The following TRIM27 variants were observed in gnomAD, a reference collection of about 807,000 sequenced individuals.
TRIM27 encodes tripartite motif containing 27.
Under a neutral mutation model 57.6 loss-of-function variants are expected in TRIM27, and 12 were observed. The ratio of observed to expected loss-of-function variants is 0.21; its 90% CI spans 0.13 to 0.34. TRIM27 has a LOEUF of 0.34. Ranked by LOEUF, TRIM27 falls within the 10% of genes least tolerant of loss-of-function variation. The probability of loss-of-function intolerance (pLI) is 1.00; values close to 1 mark genes in which losing one functional copy is unlikely to be tolerated. For synonymous variants in TRIM27, 266 were observed against 259.0 expected (o/e 1.03, Z -0.26); for missense variants, 403 against 656.8 (o/e 0.61, Z 4.22).
chr6:28,912,412 C>T lies in TRIM27; in HGVS notation c.748-694G>A, dbSNP rs368153484. ...AGTGTGAGCCAGCGGTGGCCTCTCC[C>T]TTCTTTCATACACAAAAAGTAGCAT... On this transcript the variant is annotated intron_variant, in intron 3 of 7. Transcript: ENST00000377199. Among the ~76,000 whole-genome samples the T allele has an allele frequency of 2.6e-5, 4 of 152,046 alleles. No individual in the cohort carries two copies. The South Asian group carries it at 8.3e-4, about 32-fold the overall frequency.
Position 28,904,410 on chromosome 6 carries a change from G to A in TRIM27, c.1202C>T (p.Ala401Val). The A allele has an allele frequency of 6.2e-7, 1 of 1,613,044 alleles. No individual in the cohort carries two copies. Reference protein sequence around the residue: ...SVCRKGGVTSAPQNGFWAVSL... With the variant: ...SVCRKGGVTSVPQNGFWAVSL... ...CACTGCCCAGAATCCATTCTGGGGG[G>A]CTGAGGTTACTCCACCTTTTCTGCA... Residue 401 changes from alanine to valine, a missense_variant, in exon 8 of 8, where the codon GCC becomes GTC. Ala to Val is a moderately conservative substitution (Grantham distance 64). Coordinates refer to ENST00000377199, the MANE Select transcript of TRIM27 (RefSeq NM_006510.5). The surrounding 1 kb of genome is among the most constrained non-coding windows in gnomAD (Gnocchi z 6.1).
intron 2 of TRIM27, among the ~76,000 whole-genome samples, chr6:28,921,155 C>CTCA (rs1774000235): frequency 6.6e-6 from 1 of 151,974 alleles, no homozygotes; most frequent in Non-Finnish European, 1.5e-5. Context: ...CTGAGGTGGG[C>CTCA]GGATCACCTG....
At chr6:28,910,123 G>GAAAAAAAAAAAAAAAAAAAAA (rs9278120) in intron 4 of TRIM27, among the ~76,000 whole-genome samples, 1 of 97,620 alleles carries the variant, frequency 1.0e-5, no homozygotes. Flanking sequence ...AAAGAAAAAT[G>GAAAAAAAAAAAAAAAAAAAAA]AAAAAAAAAA....
Position 28,923,792 on chromosome 6 carries a change from G to A in TRIM27, c.-160C>T. The A allele has an allele frequency of 7.5e-6, 6 of 799,346 alleles. No homozygotes were observed. The highest frequency in any genetic ancestry group is 1.1e-5 in the Non-Finnish European group (6 of 528,678). The allele number at this position is 799,346 out of a possible 1,614,324, so 49.5% of individuals were successfully genotyped here. ...CGTATCCCAGACGCGCCCGCGCACC[G>A]AAGGCTTGGAGTGGCCGGGCCGATG... On this transcript the variant is annotated 5_prime_UTR_variant, in exon 1 of 8. Transcript: ENST00000377199.
At chr6:28,913,742 G>A (rs568710052) in intron 3 of TRIM27, among the ~76,000 whole-genome samples, 28 of 152,078 alleles carry the variant, frequency 1.8e-4, no homozygotes, top group African/African-American at 6.5e-4. Context: ...GTCTTTTGCA[G>A]CTTGTCTATT....
chr6:28,922,160 A>T (rs1774093574), intron 1 of TRIM27, among the ~76,000 whole-genome samples, 173 bp from the exon 2 acceptor site: 1 of 151,908 alleles, frequency 6.6e-6, no homozygotes, highest in African/African-American at 2.4e-5. Context: ...CAAACAAGCC[A>T]CTCCTTTGGC....
At chr6:28,920,979 C>T (rs2150491753) in intron 2 of TRIM27, among the ~76,000 whole-genome samples, 1 of 152,304 alleles carries the variant, frequency 6.6e-6, no homozygotes, top group East Asian at 1.9e-4. Flanking sequence ...GAGAGGTGCT[C>T]TCCCCACGAT....
At position 28,909,173 on chromosome 6, in the gene TRIM27, T is replaced by C. The variant is rs529459349; in HGVS notation, c.771-85A>G. 250 of 941,710 alleles carry C rather than the reference T, an allele frequency of 2.7e-4. 2 individuals carry two copies. The highest frequency in any genetic ancestry group is 1.4e-3 in the Middle Eastern group (6 of 4,270). 58.3% of individuals were successfully genotyped at this position (941,710 alleles called of 1,614,324 possible). ...CCCAGGCTGGAGTGCAATGGCGCCATCTCGGCCCACCGCAACCTCTGCCTC... is the reference window on the plus strand; with the variant it reads ...CCCAGGCTGGAGTGCAATGGCGCCACCTCGGCCCACCGCAACCTCTGCCTC... On this transcript the variant is annotated intron_variant, in intron 4 of 7. Transcript: ENST00000377199.
chr6:28,911,647 G>A, intron 4 of TRIM27, 49 bp downstream of exon 4: 1 of 1,582,666 alleles, frequency 6.3e-7, no homozygotes, highest in Non-Finnish European at 8.6e-7. Context: ...ATGTGAAGGA[G>A]ACAGTCTTCT....
chr6:28,921,803 C>T, intron 2 of TRIM27, 89 bp downstream of exon 2: 1 of 1,050,408 alleles, frequency 9.5e-7, no homozygotes, highest in Non-Finnish European at 1.5e-6. Context: ...TTCTGGGTGA[C>T]ATGCTGGACA....
chr6:28,916,453 G>A (rs1289340170), intron 3 of TRIM27, among the ~76,000 whole-genome samples: 1 of 151,966 alleles, frequency 6.6e-6, no homozygotes, highest in African/African-American at 2.4e-5. Flanking sequence ...TCGGAAGGCT[G>A]AGGCAGGAGA....
chr6:28,920,067 C>A lies in TRIM27; in HGVS notation c.692G>T (p.Ser231Ile), dbSNP rs1250415272. ...QFSCNISHLS[S>I]LIAQLEEKQQ... ...CTTCTCTTCTAGCTGAGCGATCAGG[C>A]TGCTGAGGTGGGAGATGTTGCAAGA... is the stretch of plus-strand genomic sequence containing the variant. Residue 231 changes from serine (S) to isoleucine (I), a missense_variant, in exon 3 of 8, where the codon AGC (serine) becomes ATC (isoleucine). Ser to Ile is a moderately radical substitution (Grantham distance 142). Coordinates refer to ENST00000377199, the MANE Select transcript of TRIM27 (RefSeq NM_006510.5). 6.2e-7 allele frequency: 1 copy of A among 1,614,164 alleles called. No homozygotes were observed. Among genetic ancestry groups the A allele is most frequent in the Non-Finnish European group, 8.5e-7 (1 of 1,180,018 alleles).
At position 28,903,280 on chromosome 6, in the gene TRIM27, C is replaced by T. The variant is rs951287684; in HGVS notation, c.*790G>A. The T allele has an allele frequency of 1.3e-5, 3 of 232,870 alleles. No individual in the cohort carries two copies. Among genetic ancestry groups the T allele is most frequent in the Admixed American group, 5.6e-5 (1 of 17,722 alleles). The allele number at this position is 232,870 out of a possible 1,614,324, so 14.4% of individuals were successfully genotyped here. On this transcript the variant is annotated 3_prime_UTR_variant, in exon 8 of 8. Coordinates refer to ENST00000377199, the MANE Select transcript of TRIM27 (RefSeq NM_006510.5). ...CCAGAATCCTTCCAGGGATGGTATA[C>T]GACTGGCCACCAGTCCACAAATGTG...
intron 3 of TRIM27, among the ~76,000 whole-genome samples, chr6:28,916,076 C>A (rs1773577909): frequency 6.6e-6 from 1 of 151,902 alleles, no homozygotes; most frequent in African/African-American, 2.4e-5. Context: ...GCCACCACGC[C>A]TGGCTAATTT....
Position 28,904,192 on chromosome 6 carries a change from A to G in TRIM27, c.1420T>C (p.Phe474Leu), listed in dbSNP as rs1239144369. ...ATFCGPVRPYFSLSYSGGKSA... is the reference protein window; with the variant it reads ...ATFCGPVRPYLSLSYSGGKSA... Reference sequence around the variant, plus strand: ...TTCCCTCCCGAGTAACTCAGACTGAAGTAGGGCCGGACAGGCCCACAAAAG... The same window carrying G: ...TTCCCTCCCGAGTAACTCAGACTGAGGTAGGGCCGGACAGGCCCACAAAAG... Residue 474 changes from phenylalanine to leucine, a missense_variant, in exon 8 of 8, where the codon TTC becomes CTC. Coordinates refer to ENST00000377199, the MANE Select transcript of TRIM27 (RefSeq NM_006510.5). This position sits in a 1 kb window ranked among gnomAD's most constrained non-coding sequence, Gnocchi z 6.1. The G allele has an allele frequency of 6.2e-7, 1 of 1,613,096 alleles. No homozygotes were observed. The highest frequency in any genetic ancestry group is 8.5e-7 in the Non-Finnish European group (1 of 1,180,024).
chr6:28,904,985 T>TG lies in TRIM27; in HGVS notation c.947-321_947-320insC. Reference sequence around the variant, plus strand: ...TGGAGCGCAGTGGTGTGGTCATAGTTCATTGTAACCCCAAACTCCTGGGCT... The same window carrying TG: ...TGGAGCGCAGTGGTGTGGTCATAGTTGCATTGTAACCCCAAACTCCTGGGCT... On this transcript the variant is annotated intron_variant, in intron 7 of 7. Transcript: ENST00000377199. This position sits in a 1 kb window ranked among gnomAD's most constrained non-coding sequence, Gnocchi z 6.1. 2 of 322,792 alleles carry TG rather than the reference T, an allele frequency of 6.2e-6. No homozygotes were observed. The highest frequency in any genetic ancestry group is 1.1e-5 in the Non-Finnish European group (2 of 175,196). 20.0% of individuals were successfully genotyped at this position (322,792 alleles called of 1,614,324 possible).
In TRIM27 at chr6:28,907,893, G is replaced by C. The variant is rs1015847266; in HGVS notation, c.920-631C>G. Reference sequence around the variant, plus strand: ...TGTATCTGCTAGCTCTATGTTGCTAGATGCCCCAAAAAGTATATATCTGAA... The same window carrying C: ...TGTATCTGCTAGCTCTATGTTGCTACATGCCCCAAAAAGTATATATCTGAA... On this transcript the variant is annotated intron_variant, in intron 6 of 7. Transcript: ENST00000377199. 4 of 260,982 alleles carry C rather than the reference G, an allele frequency of 1.5e-5. 1 individual carries two copies. The Admixed American group carries it at 1.9e-4, about 12-fold the overall frequency. 16.2% of individuals were successfully genotyped at this position (260,982 alleles called of 1,614,324 possible).
chr6:28,919,691 G>A (rs371204091), intron 3 of TRIM27, among the ~76,000 whole-genome samples: 5 of 152,202 alleles, frequency 3.3e-5, no homozygotes, highest in African/African-American at 7.2e-5. Flanking sequence ...CCTCATTACT[G>A]AACAAATGAG....
chr6:28,911,989 A>C (rs1773241125), intron 3 of TRIM27, among the ~76,000 whole-genome samples: 1 of 152,108 alleles, frequency 6.6e-6, no homozygotes, highest in African/African-American at 2.4e-5. Flanking sequence ...AAATTTACTA[A>C]CTTAAGCGTC....
Sources: gnomAD v4.1 joint callset for allele counts (sites outside exome capture counted in the v4.1 genomes callset) on GRCh38, gnomAD v4.1.1 for gene constraint, Gnocchi (gnomAD v3.1) non-coding constraint, MANE v1.5 for transcripts, NCBI Gene and HGNC (gene_info 2026-07-23, HGNC 2026-07-21) for gene names.